Variants in SRD5A2 observed in about 807,000 individuals in gnomAD.
The protein encoded by SRD5A2 is 3-oxo-5-alpha-steroid 4-dehydrogenase 2.
In SRD5A2, 30 loss-of-function variants were observed where a neutral mutation model predicts 27.4. The observed-to-expected ratio is 1.10, with a 90% CI of 0.82 to 1.49. The LOEUF (loss-of-function observed/expected upper bound fraction) is 1.49, where lower values mean the gene tolerates loss of function less well. SRD5A2 is among the 40% of genes most tolerant of loss of function. The pLI is 0.00. For synonymous variants in SRD5A2, 141 were observed against 133.6 expected (o/e 1.06, Z -0.38); for missense variants, 348 against 323.4 (o/e 1.08, Z -0.58).
intron 3 of SRD5A2, among the ~76,000 whole-genome samples, chr2:31,531,006 A>G (rs375363254): frequency 6.6e-6 from 1 of 152,348 alleles, no homozygotes; most frequent in African/African-American, 2.4e-5. Context: ...TTTATTGGCC[A>G]AGCATTCAGC....
At chr2:31,542,648 T>C (rs1337647654) in intron 1 of SRD5A2, among the ~76,000 whole-genome samples, 1 of 151,606 alleles carries the variant, frequency 6.6e-6, no homozygotes, top group African/African-American at 2.4e-5. Context: ...ATAACAGAAA[T>C]GAAAAATTTA....
chr2:31,645,751 A>G, the SRD5A2 span, among the ~76,000 whole-genome samples: 1 of 152,216 alleles, frequency 6.6e-6, no homozygotes, highest in Non-Finnish European at 1.5e-5. Context: ...TCTTTATATC[A>G]GCAGCACCTA....
chr2:31,644,101 G>A, the SRD5A2 span, among the ~76,000 whole-genome samples: 41 of 152,306 alleles, frequency 2.7e-4, no homozygotes, highest in East Asian at 5.4e-3. Context: ...ATTGTCAAAT[G>A]TTGGGATAAG....
chr2:31,596,199 C>G, the SRD5A2 span, among the ~76,000 whole-genome samples: 1 of 151,942 alleles, frequency 6.6e-6, no homozygotes, highest in Non-Finnish European at 1.5e-5. Flanking sequence ...ACCAGCGTGA[C>G]CAATACAGTG....
upstream of SRD5A2, among the ~76,000 whole-genome samples, chr2:31,584,372 A>C (rs1003588688): frequency 3.9e-5 from 6 of 152,234 alleles, no homozygotes; most frequent in East Asian, 9.6e-4. Context: ...AAGTCAATTA[A>C]ATCCAGACAA....
chr2:31,657,566 C>T, the SRD5A2 span, among the ~76,000 whole-genome samples: 1 of 152,116 alleles, frequency 6.6e-6, no homozygotes, highest in Non-Finnish European at 1.5e-5. Context: ...AATAGATTCT[C>T]TTGAACTAGA....
At chr2:31,592,310 A>T in the SRD5A2 span, among the ~76,000 whole-genome samples, 1 of 152,254 alleles carries the variant, frequency 6.6e-6, no homozygotes, top group African/African-American at 2.4e-5. Context: ...ACAACAGCTA[A>T]TTCCACCACC....
the SRD5A2 span, among the ~76,000 whole-genome samples, chr2:31,642,963 G>A: frequency 5.9e-5 from 9 of 151,980 alleles, no homozygotes; most frequent in Middle Eastern, 3.4e-3. Context: ...ATGTTCCAAA[G>A]CAGGTAAAGT....
chr2:31,536,210 G>A (rs906442031), intron 1 of SRD5A2, among the ~76,000 whole-genome samples: 1 of 152,210 alleles, frequency 6.6e-6, no homozygotes, highest in African/African-American at 2.4e-5. Context: ...TTAAAAAGTT[G>A]TATTTTTGTA....
chr2:31,643,742 C>G, the SRD5A2 span, among the ~76,000 whole-genome samples: 1 of 152,062 alleles, frequency 6.6e-6, no homozygotes, highest in African/African-American at 2.4e-5. Flanking sequence ...CAGGTTAAAT[C>G]TGGGGAAATT....
At chr2:31,631,468 T>G in the SRD5A2 span, among the ~76,000 whole-genome samples, 1 of 152,120 alleles carries the variant, frequency 6.6e-6, no homozygotes, top group African/African-American at 2.4e-5. Context: ...CCCTGTTTTT[T>G]TTCAGATGGG....
At position 31,531,360 on chromosome 2, in the gene SRD5A2, G is replaced by C. The variant is rs1401709686; in HGVS notation, c.547+11C>G. The C allele has an allele frequency of 2.6e-6, 4 of 1,557,246 alleles. No individual in the cohort carries two copies. The highest frequency in any genetic ancestry group is 3.8e-5 in the Admixed American group (2 of 52,938). On this transcript the variant is annotated intron_variant, in intron 3 of 4. Coordinates refer to ENST00000622030, the MANE Select transcript of SRD5A2 (RefSeq NM_000348.4). ...GGAAGAGTGAGAGTCTGGGGGCAGG[G>C]GAGACATTACCTTGTGGAATCCTGT... is the stretch of plus-strand genomic sequence containing the variant.
At chr2:31,580,151 G>C (rs1220471957) in intron 1 of SRD5A2, among the ~76,000 whole-genome samples, 2 of 152,148 alleles carry the variant, frequency 1.3e-5, no homozygotes, top group Admixed American at 1.3e-4. Context: ...TGCCAAACGC[G>C]TAAGACTCTC....
chr2:31,591,993 C>T, the SRD5A2 span, among the ~76,000 whole-genome samples: 67 of 148,266 alleles, frequency 4.5e-4, no homozygotes, highest in Middle Eastern at 3.4e-3. Flanking sequence ...TGTTAAATGA[C>T]GAGTTAATGG....
At chr2:31,662,470 C>T in the SRD5A2 span, among the ~76,000 whole-genome samples, 1 of 152,084 alleles carries the variant, frequency 6.6e-6, no homozygotes, top group East Asian at 1.9e-4. Flanking sequence ...AGGTGTGCAC[C>T]ACCACACCCA....
chr2:31,629,002 T>A, the SRD5A2 span, among the ~76,000 whole-genome samples: 4 of 152,188 alleles, frequency 2.6e-5, no homozygotes, highest in African/African-American at 7.2e-5. Flanking sequence ...CTTAAATGTA[T>A]GATTTTTTTC....
chr2:31,660,855 AAGAT>A, the SRD5A2 span, among the ~76,000 whole-genome samples: 1 of 152,146 alleles, frequency 6.6e-6, no homozygotes, highest in African/African-American at 2.4e-5. Flanking sequence ...TTAAAAAAAA[AAGAT>A]AGGCCCTTAC....
intron 4 of SRD5A2, chr2:31,527,439 T>C (rs1445743160): frequency 6.6e-6 from 1 of 152,318 alleles, no homozygotes; most frequent in Non-Finnish European, 1.5e-5. Context: ...CTTTGTTTTA[T>C]AGAAGCCTTC....
the SRD5A2 span, among the ~76,000 whole-genome samples, chr2:31,620,109 GA>G: frequency 6.6e-6 from 1 of 151,888 alleles, no homozygotes; most frequent in African/African-American, 2.4e-5. Context: ...TTGAGATGCA[GA>G]AAAGGCTTTT....
Sources: gnomAD v4.1 joint callset for allele counts (sites outside exome capture counted in the v4.1 genomes callset) on GRCh38, gnomAD v4.1.1 for gene constraint, MANE v1.5 for transcripts, NCBI Gene and HGNC (gene_info 2026-07-23, HGNC 2026-07-21) for gene names.